The following EPB41L3 variants were observed in gnomAD, a reference collection of about 807,000 sequenced individuals.
The protein encoded by EPB41L3 is erythrocyte membrane protein band 4.1 like 3.
EPB41L3 carries 57 observed loss-of-function variants against 127.1 expected under a neutral mutation model. The observed-to-expected ratio is 0.45, with a 90% CI of 0.36 to 0.56. The LOEUF (loss-of-function observed/expected upper bound fraction) is 0.56, where lower values mean the gene tolerates loss of function less well. Ranked by LOEUF, EPB41L3 falls within the 20% of genes least tolerant of loss-of-function variation. The pLI, the probability that EPB41L3 is intolerant of heterozygous loss-of-function variation, is 0.00. For synonymous variants in EPB41L3, 572 were observed against 549.5 expected (o/e 1.04, Z -0.57); for missense variants, 1,273 against 1,372.2 (o/e 0.93, Z 1.14).
chr18:5,494,615 C>T (rs970922826), intron 1 of EPB41L3, among the ~76,000 whole-genome samples: 2 of 151,922 alleles, frequency 1.3e-5, no homozygotes, highest in African/African-American at 4.8e-5. Context: ...TGAGATGATG[C>T]CATTGCACTC....
intron 6 of EPB41L3, among the ~76,000 whole-genome samples, chr18:5,435,183 C>T (rs978741258): frequency 6.6e-6 from 1 of 151,908 alleles, no homozygotes; most frequent in African/African-American, 2.4e-5. Context: ...TTACAAGAGT[C>T]AAAAAGTTTA....
intron 1 of EPB41L3, among the ~76,000 whole-genome samples, chr18:5,627,147 T>C (rs1267481297): frequency 6.6e-6 from 1 of 152,126 alleles, no homozygotes; most frequent in African/African-American, 2.4e-5. Context: ...CTCTGTGAAG[T>C]TCCCTTGCTG....
At chr18:5,511,060 A>T (rs1157852045) in intron 1 of EPB41L3, among the ~76,000 whole-genome samples, 2 of 151,980 alleles carry the variant, frequency 1.3e-5, no homozygotes, top group Non-Finnish European at 1.5e-5. Flanking sequence ...TATTCCAGAA[A>T]CTCTGGAATA....
At chr18:5,569,343 C>T (rs1221860267) in intron 3 of EPB41L3, among the ~76,000 whole-genome samples, 3 of 152,190 alleles carry the variant, frequency 2.0e-5, no homozygotes, top group African/African-American at 2.4e-5. Context: ...GAATTACTGT[C>T]GCTGCTGTGT....
intron 1 of EPB41L3, among the ~76,000 whole-genome samples, chr18:5,526,259 G>A (rs2093217448): frequency 6.6e-6 from 1 of 152,188 alleles, no homozygotes; most frequent in African/African-American, 2.4e-5. Flanking sequence ...AGAAGCGCCT[G>A]TATTTCTTGG....
intron 1 of EPB41L3, among the ~76,000 whole-genome samples, chr18:5,538,537 T>C (rs1360223110): frequency 1.3e-5 from 2 of 152,218 alleles, no homozygotes; most frequent in African/African-American, 2.4e-5. Flanking sequence ...AACTCGCTAT[T>C]TGAGGATGTA....
intron 16 of EPB41L3, among the ~76,000 whole-genome samples, chr18:5,406,421 G>A (rs2075392652): frequency 6.6e-6 from 1 of 152,006 alleles, no homozygotes; most frequent in African/African-American, 2.4e-5. Context: ...AATCTCAATG[G>A]GCCTCAAGCA....
At chr18:5,513,693 A>G (rs536649886) in intron 1 of EPB41L3, among the ~76,000 whole-genome samples, 1 of 152,356 alleles carries the variant, frequency 6.6e-6, no homozygotes, top group East Asian at 1.9e-4. Flanking sequence ...TATCAGCAAA[A>G]TGGGGATAGT....
rs761964315 is a variant in EPB41L3, at chr18:5,394,792, G to A, written c.3155C>T (p.Ala1052Val). The change falls in exon 22 of 23, where the codon GCG (alanine) becomes GTG (valine). Residue 1052 changes from alanine (A) to valine (V), a missense_variant and splice_region_variant. By Grantham distance (64) the Ala-to-Val change is moderately conservative. Around this residue, in one of 3 missense-constraint regions of EPB41L3, gnomAD observed 765 missense variants for 782.9 expected, o/e 0.98. Transcript: ENST00000341928. The part of the protein sequence containing the change: ...TGDADIDHDQ[A>V]LAQAIKEAKE... ...GGCCTCTTTAATTGCCTGAGCCAGCGCCTATCCCCGGGAAATCACAGAAGG... is the reference window on the plus strand; with the variant it reads ...GGCCTCTTTAATTGCCTGAGCCAGCACCTATCCCCGGGAAATCACAGAAGG... 5.6e-6 allele frequency: 9 copies of A among 1,613,884 alleles called. No homozygotes were observed. Among genetic ancestry groups the A allele is most frequent in the Non-Finnish European group, 7.6e-6 (9 of 1,179,942 alleles).
At chr18:5,463,274 A>G (rs906442538) in intron 3 of EPB41L3, among the ~76,000 whole-genome samples, 1 of 152,184 alleles carries the variant, frequency 6.6e-6, no homozygotes, top group Non-Finnish European at 1.5e-5. Flanking sequence ...ACTCCCCTAC[A>G]TAAAGCTCCT....
chr18:5,459,366 T>C (rs1401374021), intron 3 of EPB41L3, among the ~76,000 whole-genome samples: 1 of 151,674 alleles, frequency 6.6e-6, no homozygotes, highest in African/African-American at 2.4e-5. Flanking sequence ...AATTAATTTG[T>C]GTATTGAGAG....
At chr18:5,407,024 C>T (rs1598528510) in intron 15 of EPB41L3, 56 bp from the exon 16 acceptor site, 1 of 1,530,192 alleles carries the variant, frequency 6.5e-7, no homozygotes, top group Non-Finnish European at 9.0e-7. Context: ...GTGTTCCTTT[C>T]AGCTCTTTTG....
chr18:5,412,558 C>T (rs1305002307), intron 13 of EPB41L3, among the ~76,000 whole-genome samples: 1 of 152,206 alleles, frequency 6.6e-6, no homozygotes, highest in African/African-American at 2.4e-5. Context: ...TTCTAATTAG[C>T]TGTGTCAAAC....
intron 3 of EPB41L3, among the ~76,000 whole-genome samples, chr18:5,582,901 TG>T (rs2060540658): frequency 6.6e-6 from 1 of 151,548 alleles, no homozygotes; most frequent in African/African-American, 2.4e-5. Context: ...TGCCCGGGAG[TG>T]GGGGCAGCCA....
chr18:5,586,740 A>C (rs78514215), intron 3 of EPB41L3, among the ~76,000 whole-genome samples: 3,282 of 152,120 alleles, frequency 0.022, 90 homozygotes, highest in African/African-American at 0.068. Context: ...ATTTAAGATA[A>C]ATAGGAGTTC....
chr18:5,466,011 T>C (rs954166491), intron 3 of EPB41L3, among the ~76,000 whole-genome samples: 4 of 151,736 alleles, frequency 2.6e-5, no homozygotes, highest in Admixed American at 2.0e-4. Flanking sequence ...CAAATATCAG[T>C]ATGTAACCTT....
chr18:5,395,420 G>C (rs2073214845), intron 20 of EPB41L3, among the ~76,000 whole-genome samples, 189 bp downstream of exon 20: 1 of 152,194 alleles, frequency 6.6e-6, no homozygotes, highest in African/African-American at 2.4e-5. Context: ...TTCCTAAAGG[G>C]GAACTCGCAC....
rs552224915 is a variant in EPB41L3 at position 5,490,082 on chromosome 18, A to G, written c.-11-888T>C. On this transcript the variant is annotated intron_variant, in intron 1 of 22. Coordinates refer to ENST00000341928, the MANE Select transcript of EPB41L3 (RefSeq NM_012307.5). ...GAACGTGATAATACCTAAATAACTT[A>G]TTTCTTGCTATTACATTTTTTTCTC... is the stretch of plus-strand genomic sequence containing the variant. Among the ~76,000 whole-genome samples, 26 of 152,328 alleles carry G rather than the reference A, an allele frequency of 1.7e-4. No individual in the cohort carries two copies. The South Asian group carries it at 5.4e-3, about 32-fold the overall frequency.
intron 3 of EPB41L3, among the ~76,000 whole-genome samples, chr18:5,450,484 A>T (rs1197779002): frequency 6.6e-6 from 1 of 150,662 alleles, no homozygotes; most frequent in Non-Finnish European, 1.5e-5. Flanking sequence ...TGAGGGGAAG[A>T]GTGTGAGGGG....
Sources: allele counts gnomAD v4.1 joint callset (sites outside exome capture counted in the v4.1 genomes callset), GRCh38; gene constraint gnomAD v4.1.1; regional missense constraint gnomAD v4.1.1; transcripts MANE v1.5; gene names NCBI Gene and HGNC (gene_info 2026-07-23, HGNC 2026-07-21).